The following PFKP variants were observed in gnomAD, a reference collection of about 807,000 sequenced individuals.
PFKP encodes ATP-dependent 6-phosphofructokinase, platelet type.
Under a neutral mutation model 94.3 loss-of-function variants are expected in PFKP, and 101 were observed. The observed-to-expected ratio is 1.07, with a 90% CI of 0.91 to 1.26. PFKP has a LOEUF of 1.26. Among genes scored for constraint, PFKP ranks in the 50% most tolerant of loss-of-function variants. The pLI is 0.00. For missense variants in PFKP, 1,145 were observed against 1,103.3 expected (o/e 1.04, Z -0.53); for synonymous variants, 573 against 432.6 (o/e 1.32, Z -4.03).
At chr10:3,068,638 A>C (rs1023211135) in intron 1 of PFKP, 1 of 984,226 alleles carries the variant, frequency 1.0e-6, no homozygotes, top group African/African-American at 1.8e-5. Context: ...TTTAACATTG[A>C]AGAGCGGAAG....
intron 14 of PFKP, among the ~76,000 whole-genome samples, chr10:3,117,380 G>GA (rs1403106705): frequency 3.3e-5 from 5 of 152,210 alleles, no homozygotes; most frequent in Non-Finnish European, 5.9e-5. Context: ...TCCTAATGTA[G>GA]ATGAAGCCTG....
At chr10:3,101,982 T>C (rs1022408056) in intron 4 of PFKP, among the ~76,000 whole-genome samples, 48 of 150,828 alleles carry the variant, frequency 3.2e-4, no homozygotes, top group African/African-American at 1.0e-3. Flanking sequence ...CCGGGCGCGG[T>C]GGCTCACGCC....
intron 19 of PFKP, among the ~76,000 whole-genome samples, chr10:3,134,147 C>A (rs1838931564): frequency 6.6e-6 from 1 of 152,200 alleles, no homozygotes; most frequent in Non-Finnish European, 1.5e-5. Flanking sequence ...GTGTGATCTT[C>A]TTAAAGAATC....
Position 3,129,870 on chromosome 10 carries a change from A to T in PFKP, c.1735A>T (p.Ile579Phe). ...CAGCGGAACCAAGCGGCGCGTGTTCATCATCGAGACCATGGGCGGCTACTG... is the reference window on the plus strand; with the variant it reads ...CAGCGGAACCAAGCGGCGCGTGTTCTTCATCGAGACCATGGGCGGCTACTG... The part of the protein sequence containing the change: ...SASGTKRRVF[I>F]IETMGGYCGY... Residue 579 changes from isoleucine to phenylalanine, a missense_variant, in exon 17 of 22, where the codon ATC becomes TTC. Around this residue, in one of 3 missense-constraint regions of PFKP, gnomAD observed 1,119 missense variants for 1,062.8 expected, o/e 1.05. Transcript: ENST00000381125. 7 of 1,613,690 alleles carry T rather than the reference A, an allele frequency of 4.3e-6. No individual in the cohort carries two copies. In the South Asian group the frequency reaches 7.7e-5, roughly 18 times the overall value.
chr10:3,120,251 C>G lies in PFKP; in HGVS notation c.1683+207C>G, dbSNP rs1476827663. On this transcript the variant is annotated intron_variant, in intron 16 of 21. Transcript: ENST00000381125. ...CCAGAGAGTTTTACCACCTCTTCTTCTGTGTGGCCACCAGGGGGACGTAGT... is the reference window on the plus strand; with the variant it reads ...CCAGAGAGTTTTACCACCTCTTCTTGTGTGTGGCCACCAGGGGGACGTAGT... Among the ~76,000 whole-genome samples the G allele has an allele frequency of 2.6e-5, 4 of 152,278 alleles. No individual in the cohort carries two copies. In the East Asian group the frequency reaches 7.7e-4, roughly 29 times the overall value.
chr10:3,102,016 C>A (rs990540738), intron 4 of PFKP, among the ~76,000 whole-genome samples: 1 of 151,914 alleles, frequency 6.6e-6, no homozygotes, highest in Non-Finnish European at 1.5e-5. Context: ...CTTTGGGAGG[C>A]CGAGGCGGGC....
chr10:3,087,801 C>T (rs1161587945), intron 2 of PFKP, among the ~76,000 whole-genome samples: 1 of 152,106 alleles, frequency 6.6e-6, no homozygotes, highest in Admixed American at 6.5e-5. Flanking sequence ...CTTCACCTTC[C>T]TCCAGTGTAG....
chr10:3,096,658 C>G (rs1033767926), intron 2 of PFKP, among the ~76,000 whole-genome samples: 2 of 151,560 alleles, frequency 1.3e-5, no homozygotes, highest in African/African-American at 2.4e-5. Flanking sequence ...TCCTTGCCCC[C>G]CCGAGCTTCA....
chr10:3,134,610 G>A (rs1260883305), intron 20 of PFKP, 28 bp downstream of exon 20: 2 of 1,405,444 alleles, frequency 1.4e-6, no homozygotes, highest in Non-Finnish European at 2.0e-6. Flanking sequence ...GGAGGCCACA[G>A]CCTCGTGATG....
chr10:3,135,029 T>C (rs1023742595), intron 20 of PFKP, among the ~76,000 whole-genome samples: 1 of 152,268 alleles, frequency 6.6e-6, no homozygotes, highest in African/African-American at 2.4e-5. Context: ...GAACTGTGCA[T>C]GTTCTTCCTT....
intron 2 of PFKP, among the ~76,000 whole-genome samples, chr10:3,097,271 G>A (rs1190903403): frequency 6.6e-6 from 1 of 151,720 alleles, no homozygotes; most frequent in Non-Finnish European, 1.5e-5. Context: ...TGTTACCAGT[G>A]AGTCCTTGTG....
chr10:3,101,411 G>A lies in PFKP; in HGVS notation c.311G>A (p.Arg104Gln), dbSNP rs61760976. The A allele has an allele frequency of 1.7e-4, 267 of 1,604,638 alleles. No homozygotes were observed. Among genetic ancestry groups the A allele is most frequent in the Non-Finnish European group, 2.0e-4 (231 of 1,176,186 alleles). Residue 104 changes from arginine (R) to glutamine (Q), a missense_variant, in exon 4 of 22, where the codon CGG (arginine) becomes CAG (glutamine). Arg to Gln is a conservative substitution (Grantham distance 43, BLOSUM62 1). Transcript: ENST00000381125. ...GSARCQAFRT[R>Q]EGRLKAACNL... ...GCGCGGTGCCAGGCCTTCCGCACGC[G>A]GGAAGGCCGCCTGAAGGCTGCTTGC...
chr10:3,123,118 G>C (rs1288674539), intron 16 of PFKP, among the ~76,000 whole-genome samples: 2 of 152,188 alleles, frequency 1.3e-5, no homozygotes, highest in African/African-American at 4.8e-5. Context: ...GGTCCTCCGG[G>C]CAGAGCAGAA....
intron 3 of PFKP, chr10:3,100,993 C>G (rs751088137): frequency 2.3e-5 from 37 of 1,611,652 alleles, no homozygotes; most frequent in South Asian, 2.2e-4. Flanking sequence ...GGCCGGCATG[C>G]TCTGGTGGTC....
chr10:3,113,577 TGGC>T, intron 13 of PFKP, 59 bp downstream of exon 13: 3 of 1,528,208 alleles, frequency 2.0e-6, no homozygotes, highest in Non-Finnish European at 1.8e-6. Context: ...ACAGTGGACG[TGGC>T]GGCGGGGGGG....
At chr10:3,084,756 TCCCCAGGAGAGTCCTCCAC>T (rs1833368975) in intron 2 of PFKP, among the ~76,000 whole-genome samples, 1 of 100,024 alleles carries the variant, frequency 1.0e-5, no homozygotes, top group Admixed American at 1.0e-4. Context: ...CTCCAGCCCC[TCCCCAGGAGAGTCCTCCAC>T]CCCCTCCCCA....
rs770229512 is a variant in PFKP, at chr10:3,134,499, C to A, written c.2039C>A (p.Pro680Gln). 6.8e-6 allele frequency: 11 copies of A among 1,612,514 alleles called. No homozygotes were observed. Among genetic ancestry groups the A allele is most frequent in the Non-Finnish European group, 9.3e-6 (11 of 1,178,668 alleles). Residue 680 changes from proline to glutamine, a missense_variant, in exon 20 of 22, where the codon CCA becomes CAA. Physicochemically the swap from Pro to Gln is moderately conservative, Grantham distance 76. Around this residue, in one of 3 missense-constraint regions of PFKP, gnomAD observed 1,119 missense variants for 1,062.8 expected, o/e 1.05. Coordinates refer to ENST00000381125, the MANE Select transcript of PFKP (RefSeq NM_002627.5). ...CACCAACAGGGTGGGGCACCCTCTC[C>A]ATTTGATAGAAACTTTGGAACCAAA... is the stretch of plus-strand genomic sequence containing the variant. ...GHMQQGGAPS[P>Q]FDRNFGTKIS...
At chr10:3,113,086 C>T (rs370610128) in intron 11 of PFKP, 33 bp from the exon 12 acceptor site, 26 of 1,597,726 alleles carry the variant, frequency 1.6e-5, no homozygotes, top group South Asian at 2.2e-5. Flanking sequence ...CCGGTATTCT[C>T]GACTCCGGTC....
rs191045782 is a variant in PFKP, at chr10:3,096,415, G to C, written c.187-2860G>C. Among the ~76,000 whole-genome samples, 9 of 152,294 alleles carry C rather than the reference G, an allele frequency of 5.9e-5. No individual in the cohort carries two copies. The East Asian group carries it at 9.6e-4, about 16-fold the overall frequency. ...TGCATGCACAGAAATGACCGCAACA[G>C]CTCTGGGTGTGGGAATGTAGGAACT... On this transcript the variant is annotated intron_variant, in intron 2 of 21. Coordinates refer to ENST00000381125, the MANE Select transcript of PFKP (RefSeq NM_002627.5).
Sources: allele counts gnomAD v4.1 joint callset (sites outside exome capture counted in the v4.1 genomes callset), GRCh38; gene constraint gnomAD v4.1.1; regional missense constraint gnomAD v4.1.1; transcripts MANE v1.5; gene names NCBI Gene and HGNC (gene_info 2026-07-23, HGNC 2026-07-21).